CACNG4: variants seen among roughly 807,000 people sequenced by gnomAD.
CACNG4 encodes voltage-dependent calcium channel gamma-4 subunit.
In CACNG4, 8 loss-of-function variants were observed where a neutral mutation model predicts 22.9. The ratio of observed to expected loss-of-function variants is 0.35; its 90% confidence interval spans 0.21 to 0.63. The LOEUF is 0.63. Among genes scored for constraint, CACNG4 ranks in the 30% least tolerant of loss-of-function variants. CACNG4 has a pLI of 0.72. For synonymous variants in CACNG4, 188 were observed against 191.9 expected, an observed-to-expected ratio of 0.98 and a Z score of 0.17; for missense variants, 357 against 455.4, an observed-to-expected ratio of 0.78 and a Z score of 1.97.
At chr17:66,993,706 A>G (rs9903657) in intron 1 of CACNG4, among the ~76,000 whole-genome samples, 3,933 of 152,258 alleles carry the variant, frequency 0.026, 150 homozygotes, top group African/African-American at 0.09. Context: ...CCAGGGTTCA[A>G]GCGATTCTCC....
chr17:66,964,863 CG>C lies in CACNG4; in HGVS notation c.-46del, dbSNP rs2035156145. 1.5e-5 allele frequency: 17 copies of C among 1,146,416 alleles called. No homozygotes were observed. The highest frequency in any genetic ancestry group is 1.9e-5 in the Non-Finnish European group (17 of 918,214). 71.0% of individuals were successfully genotyped at this position (1,146,416 alleles called of 1,614,324 possible). ...CGGCGCGCGGAGGGAGGAGGGCGGG[CG>C]GGCGCGGCGGGCCGGGCCGGCGGGC... On this transcript the variant is annotated 5_prime_UTR_variant, in exon 1 of 4. Coordinates refer to ENST00000262138, the MANE Select transcript of CACNG4 (RefSeq NM_014405.4).
intron 1 of CACNG4, among the ~76,000 whole-genome samples, chr17:67,005,975 G>A (rs560459618): frequency 4.1e-4 from 62 of 152,318 alleles, no homozygotes; most frequent in African/African-American, 1.5e-3. Context: ...AGAGGTGAGA[G>A]GTGAGGCAGG....
chr17:66,992,238 TGTTTGCTACA>T (rs1218590256), intron 1 of CACNG4, among the ~76,000 whole-genome samples: 1 of 151,968 alleles, frequency 6.6e-6, no homozygotes, highest in African/African-American at 2.4e-5. Context: ...CCTCAGTGAA[TGTTTGCTACA>T]TGAATGAATA....
chr17:66,981,906 A>G (rs925103841), intron 1 of CACNG4, among the ~76,000 whole-genome samples: 2 of 152,184 alleles, frequency 1.3e-5, no homozygotes, highest in Non-Finnish European at 2.9e-5. Context: ...GATTTCAGGT[A>G]TATTATTGCA....
chr17:66,979,910 C>T (rs967405560), intron 1 of CACNG4, among the ~76,000 whole-genome samples: 2 of 152,016 alleles, frequency 1.3e-5, no homozygotes, highest in Non-Finnish European at 2.9e-5. Context: ...CATGTGCCAC[C>T]ATGCCCAGCT....
intron 1 of CACNG4, among the ~76,000 whole-genome samples, chr17:67,010,334 TG>T (rs1001454461): frequency 1.3e-5 from 2 of 152,134 alleles, no homozygotes; most frequent in Non-Finnish European, 2.9e-5. Context: ...TAAGGAGTGT[TG>T]GGGACATGTG....
At chr17:66,974,865 A>C (rs1046680096) in intron 1 of CACNG4, among the ~76,000 whole-genome samples, 1 of 152,034 alleles carries the variant, frequency 6.6e-6, no homozygotes, top group African/African-American at 2.4e-5. Context: ...CCATTAGTCC[A>C]CGTGGAAGCC....
chr17:66,974,614 A>C (rs1008028194), intron 1 of CACNG4, among the ~76,000 whole-genome samples: 9 of 152,036 alleles, frequency 5.9e-5, no homozygotes, highest in African/African-American at 2.2e-4. Context: ...TCGTTAGGGT[A>C]CCTCTGGGTG....
chr17:67,011,364 A>G (rs1322282567), intron 1 of CACNG4, among the ~76,000 whole-genome samples: 8 of 152,178 alleles, frequency 5.3e-5, no homozygotes, highest in Admixed American at 3.3e-4. Flanking sequence ...CCACACCTTC[A>G]TCATCTCAGC....
rs1598126982 is a variant in CACNG4, at chr17:67,027,042, C to T, written c.445+2042C>T. ...TCCTCCCCACGGCAGGGAGAGAATA[C>T]TCCAGTCACATCAGAAACCACAGTG... On this transcript the variant is annotated intron_variant, in intron 3 of 3. Coordinates refer to ENST00000262138, the MANE Select transcript of CACNG4 (RefSeq NM_014405.4). This position sits in a 1 kb window ranked among gnomAD's most constrained non-coding sequence, Gnocchi z 4.3. Among the ~76,000 whole-genome samples the T allele has an allele frequency of 6.6e-6, 1 of 152,186 alleles. No homozygotes were observed. Among genetic ancestry groups the T allele is most frequent in the Admixed American group, 6.5e-5 (1 of 15,290 alleles).
intron 1 of CACNG4, among the ~76,000 whole-genome samples, chr17:66,980,610 T>C (rs1436591533): frequency 6.8e-6 from 1 of 147,450 alleles, no homozygotes; most frequent in Non-Finnish European, 1.5e-5. Flanking sequence ...CAATTCCCTT[T>C]GTGTAAATTC....
At chr17:66,975,013 C>T (rs2035227846) in intron 1 of CACNG4, among the ~76,000 whole-genome samples, 1 of 145,358 alleles carries the variant, frequency 6.9e-6, no homozygotes, top group African/African-American at 2.5e-5. Flanking sequence ...AGCAAGCTCT[C>T]CACGTCACCA....
At chr17:67,025,833 C>T (rs746828151) in intron 3 of CACNG4, among the ~76,000 whole-genome samples, 28 of 152,224 alleles carry the variant, frequency 1.8e-4, no homozygotes, top group Non-Finnish European at 3.7e-4. Flanking sequence ...TCCTGGGACC[C>T]GCAGCCACTG....
chr17:66,973,814 G>T (rs370497438), intron 1 of CACNG4, among the ~76,000 whole-genome samples: 5 of 152,310 alleles, frequency 3.3e-5, no homozygotes, highest in South Asian at 2.1e-4. Context: ...CTAAGCTCCA[G>T]GGAGAGGCCA....
At chr17:67,021,853 AG>A (rs1361241266) in intron 2 of CACNG4, 3 of 152,280 alleles carry the variant, frequency 2.0e-5, no homozygotes, top group African/African-American at 7.2e-5. Flanking sequence ...TATGGCCAGC[AG>A]GGCACGGGCT....
At chr17:66,999,101 A>G (rs1239694705) in intron 1 of CACNG4, among the ~76,000 whole-genome samples, 1 of 152,180 alleles carries the variant, frequency 6.6e-6, no homozygotes, top group Non-Finnish European at 1.5e-5. Flanking sequence ...TGGGCAACTC[A>G]CTGAACCTCT....
intron 1 of CACNG4, among the ~76,000 whole-genome samples, chr17:66,994,628 C>T (rs2035362723): frequency 6.6e-6 from 1 of 152,194 alleles, no homozygotes; most frequent in Non-Finnish European, 1.5e-5. Flanking sequence ...GAACCAGATA[C>T]AATGATGTTC....
At chr17:67,004,790 C>A (rs937559265) in intron 1 of CACNG4, among the ~76,000 whole-genome samples, 1 of 152,156 alleles carries the variant, frequency 6.6e-6, no homozygotes, top group Admixed American at 6.5e-5. Flanking sequence ...GTGGTATGAT[C>A]TCAGCTCACT....
chr17:66,973,871 T>C (rs1175846528), intron 1 of CACNG4, among the ~76,000 whole-genome samples: 1 of 152,190 alleles, frequency 6.6e-6, no homozygotes, highest in Admixed American at 6.5e-5. Context: ...CCCCCAATTC[T>C]TGTTCTGTAT....
Sources: gnomAD v4.1 joint callset for allele counts (sites outside exome capture counted in the v4.1 genomes callset) on GRCh38, gnomAD v4.1.1 for gene constraint, Gnocchi (gnomAD v3.1) non-coding constraint, MANE v1.5 for transcripts, NCBI Gene and HGNC (gene_info 2026-07-23, HGNC 2026-07-21) for gene names.